The following KCTD19 variants were observed in gnomAD, a reference collection of about 807,000 sequenced individuals.
KCTD19 encodes the protein potassium channel tetramerization domain containing 19, also known as BTB/POZ domain-containing protein KCTD19.
Under a neutral mutation model 103.5 loss-of-function variants are expected in KCTD19, and 67 were observed. That is an observed-to-expected ratio of 0.65 (90% CI 0.53 to 0.79). KCTD19 has a LOEUF of 0.79. Ranked by LOEUF, KCTD19 falls within the 30% of genes least tolerant of loss-of-function variation. KCTD19 has a pLI of 0.00. For missense variants in KCTD19, 980 were observed against 1,136.1 expected, an observed-to-expected ratio of 0.86 and a Z score of 1.98; for synonymous variants, 439 against 452.2, an observed-to-expected ratio of 0.97 and a Z score of 0.37.
chr16:67,324,448 A>T (rs1364286074), intron 1 of KCTD19, among the ~76,000 whole-genome samples: 2 of 152,244 alleles, frequency 1.3e-5, no homozygotes, highest in African/African-American at 2.4e-5. Context: ...AGATGAATTT[A>T]AAAAAGACAG....
In KCTD19 at chr16:67,319,674, G is replaced by C. The variant is rs893506925; in HGVS notation, c.300+915C>G. On this transcript the variant is annotated intron_variant, in intron 2 of 15. Transcript: ENST00000304372. ...GTACTTTAATGGTTTATAAGTAAAG[G>C]TATTTAAAGCTCTTATAATAATAAT... Among the ~76,000 whole-genome samples, 3 of 148,026 alleles carry C rather than the reference G, an allele frequency of 2.0e-5. No homozygotes were observed. In the East Asian group the frequency reaches 5.8e-4, roughly 29 times the overall value.
At position 67,303,441 on chromosome 16, in the gene KCTD19, C is replaced by A; in HGVS notation, c.452-104G>T. On this transcript the variant is annotated intron_variant, in intron 3 of 15. Transcript: ENST00000304372. The surrounding 1 kb of genome is among the most constrained non-coding windows in gnomAD (Gnocchi z 4.3). ...GGGGCCCCAGAGGATGCTAGAGAGA[C>A]CCCCCAGGATATGGTCCTTGCCACT... The A allele has an allele frequency of 2.4e-6, 2 of 819,182 alleles. No homozygotes were observed. Among genetic ancestry groups the A allele is most frequent in the Non-Finnish European group, 1.9e-6 (1 of 528,804 alleles). 50.7% of individuals were successfully genotyped at this position (819,182 alleles called of 1,614,324 possible).
At chr16:67,297,980 C>T (rs532708824) in intron 6 of KCTD19, among the ~76,000 whole-genome samples, 3 of 149,570 alleles carry the variant, frequency 2.0e-5, no homozygotes, top group Admixed American at 6.7e-5. Context: ...TTAGTAGAGA[C>T]GGGGTTTCTT....
intron 2 of KCTD19, among the ~76,000 whole-genome samples, chr16:67,319,321 C>G (rs1054066305): frequency 6.6e-6 from 1 of 152,020 alleles, no homozygotes; most frequent in Non-Finnish European, 1.5e-5. Context: ...TGAAAACATG[C>G]ACTATGAAAT....
intron 2 of KCTD19, among the ~76,000 whole-genome samples, chr16:67,307,513 G>A (rs758493222): frequency 2.0e-5 from 3 of 150,098 alleles, no homozygotes; most frequent in Middle Eastern, 3.2e-3. Flanking sequence ...GTGGGGTTTC[G>A]CCACATTGCC....
intron 2 of KCTD19, among the ~76,000 whole-genome samples, chr16:67,307,653 GGCTTT>G (rs2036908638): frequency 6.6e-6 from 1 of 152,044 alleles, no homozygotes; most frequent in East Asian, 1.9e-4. Flanking sequence ...GTAAAGACAG[GGCTTT>G]GCCATGTTGC....
At position 67,291,782 on chromosome 16, in the gene KCTD19, C is replaced by A. The variant is rs2036699805; in HGVS notation, c.2274G>T (p.Gly758=). The A allele has an allele frequency of 6.2e-7, 1 of 1,613,948 alleles. No homozygotes were observed. The highest frequency in any genetic ancestry group is 8.5e-7 in the Non-Finnish European group (1 of 1,179,990). ...GGGGGTGAGTCACTTTGAGGATAAC[C>A]CCTAGGCTGTCCACCTCACTGGCCT... ...LPEASEVDSL[G]VILKVTHPPV... The change falls in exon 13 of 16, where the codon GGG becomes GGT. Residue 758 remains glycine (G), a synonymous_variant. Transcript: ENST00000304372.
At position 67,295,417 on chromosome 16, in the gene KCTD19, T is replaced by C. The variant is rs551370958; in HGVS notation, c.1249-12A>G. 5 of 1,606,734 alleles carry C rather than the reference T, an allele frequency of 3.1e-6. No individual in the cohort carries two copies. In the East Asian group the frequency reaches 9.0e-5, roughly 29 times the overall value. On this transcript the variant is annotated splice_polypyrimidine_tract_variant and intron_variant, in intron 8 of 15. Coordinates refer to ENST00000304372, the MANE Select transcript of KCTD19 (RefSeq NM_001100915.3). ...AGCAGTTCTGGATACTGGAGGGGGTTGGACACCGGACTCAGTCTCAGAGGC... is the reference window on the plus strand; with the variant it reads ...AGCAGTTCTGGATACTGGAGGGGGTCGGACACCGGACTCAGTCTCAGAGGC...
At position 67,299,368 on chromosome 16, in the gene KCTD19, G is replaced by C. The variant is rs770423573; in HGVS notation, c.981C>G (p.His327Gln). 1.2e-6 allele frequency: 2 copies of C among 1,614,054 alleles called. No individual in the cohort carries two copies. Among genetic ancestry groups the C allele is most frequent in the Non-Finnish European group, 8.5e-7 (1 of 1,179,982 alleles). Reference sequence around the variant, plus strand: ...TGCCCTAAGGAGGACCTCACTTGACGTGCTGAAAGAGGACGCCATTCCCTG... The same window carrying C: ...TGCCCTAAGGAGGACCTCACTTGACCTGCTGAAAGAGGACGCCATTCCCTG... ...YITGNGVLFQ[H>Q]VKNWLGTCRL... Residue 327 changes from histidine to glutamine, a missense_variant, in exon 6 of 16, where the codon CAC becomes CAG. Transcript: ENST00000304372.
intron 15 of KCTD19, 70 bp downstream of exon 15, chr16:67,290,815 A>C (rs1055707622): frequency 1.5e-6 from 2 of 1,378,478 alleles, no homozygotes; most frequent in African/African-American, 2.9e-5. Context: ...GCCCTGGTGC[A>C]GCAAGACACA....
intron 2 of KCTD19, among the ~76,000 whole-genome samples, chr16:67,308,860 C>T (rs180678729): frequency 1.3e-5 from 2 of 152,146 alleles, no homozygotes; most frequent in East Asian, 1.9e-4. Context: ...TAGCCAGGTG[C>T]GGTGGCTCAC....
intron 2 of KCTD19, among the ~76,000 whole-genome samples, chr16:67,318,193 C>T (rs2037032658): frequency 6.6e-6 from 1 of 152,200 alleles, no homozygotes; most frequent in African/African-American, 2.4e-5. Flanking sequence ...TCTTCAAATA[C>T]TTCTACTCCT....
chr16:67,296,265 G>C lies in KCTD19; in HGVS notation c.1148-6C>G, dbSNP rs2036763692. On this transcript the variant is annotated splice_polypyrimidine_tract_variant and splice_region_variant and intron_variant, in intron 7 of 15. Coordinates refer to ENST00000304372, the MANE Select transcript of KCTD19 (RefSeq NM_001100915.3). ...GATCTCTGCCGTCCACTCATCTATG[G>C]GAATCCAGGAGATAGAACACATCAT... 1 of 1,577,444 alleles carries C rather than the reference G, an allele frequency of 6.3e-7. No homozygotes were observed.
chr16:67,310,742 G>A (rs2036940771), intron 2 of KCTD19, among the ~76,000 whole-genome samples: 4 of 152,196 alleles, frequency 2.6e-5, no homozygotes. Flanking sequence ...ACTTAACGGA[G>A]GTTTTCCAAA....
rs373181232 is a variant in KCTD19, at chr16:67,320,847, C to T, written c.42G>A (p.Leu14=). The change falls in exon 2 of 16, where the codon TTG becomes TTA. Residue 14 remains leucine, a synonymous_variant. Coordinates refer to ENST00000304372, the MANE Select transcript of KCTD19 (RefSeq NM_001100915.3). The surrounding 1 kb of genome is among the most constrained non-coding windows in gnomAD (Gnocchi z 4.0). The part of the protein sequence containing the change: ...SGMAHESAED[L]FHFNVGGWHF... The stretch of plus-strand genomic sequence containing the variant: ...GCCAGCCCCCTACGTTGAAATGAAA[C>T]AAGTCCTCTGCTGATTCATGAGCCA... 14 of 1,614,094 alleles carry T rather than the reference C, an allele frequency of 8.7e-6. No individual in the cohort carries two copies. Among genetic ancestry groups the T allele is most frequent in the Non-Finnish European group, 1.2e-5 (14 of 1,179,994 alleles).
intron 6 of KCTD19, among the ~76,000 whole-genome samples, chr16:67,297,876 T>C (rs898072933): frequency 1.3e-5 from 2 of 152,044 alleles, no homozygotes; most frequent in African/African-American, 2.4e-5. Flanking sequence ...CTGCAACCTT[T>C]GCCTCCCAGG....
intron 2 of KCTD19, among the ~76,000 whole-genome samples, chr16:67,319,930 T>TTA (rs2037053910): frequency 6.6e-6 from 1 of 152,156 alleles, no homozygotes; most frequent in South Asian, 2.1e-4. Context: ...AATCCTAAAA[T>TTA]ATCTAAAGTG....
intron 10 of KCTD19, 131 bp downstream of exon 10, chr16:67,294,842 A>G (rs1055808218): frequency 8.4e-6 from 8 of 950,140 alleles, no homozygotes; most frequent in African/African-American, 8.1e-5. Context: ...TCACTGGCCA[A>G]TCCTGGGCCT....
Position 67,300,430 on chromosome 16 carries a change from G to A in KCTD19, c.776-857C>T, listed in dbSNP as rs2142507675. ...TAAAGCCACCCTTTGTGTTTGAGGA[G>A]TGCTGCCAGCTCCCAGAGCCTGGCT... On this transcript the variant is annotated intron_variant, in intron 5 of 15. Coordinates refer to ENST00000304372, the MANE Select transcript of KCTD19 (RefSeq NM_001100915.3). The surrounding 1 kb of genome is among the most constrained non-coding windows in gnomAD (Gnocchi z 4.5). 6.6e-6 allele frequency: 1 copy of A among 152,378 alleles called. No homozygotes were observed. Among genetic ancestry groups the A allele is most frequent in the East Asian group, 1.9e-4 (1 of 5,188 alleles). The allele number at this position is 152,378 out of a possible 1,614,324, so 9.4% of individuals were successfully genotyped here. A position where few individuals can be genotyped will look rare whatever the true frequency, so the allele number is the denominator to read the frequency against.
Sources: gnomAD v4.1 joint callset for allele counts (sites outside exome capture counted in the v4.1 genomes callset) on GRCh38, gnomAD v4.1.1 for gene constraint, Gnocchi (gnomAD v3.1) non-coding constraint, MANE v1.5 for transcripts, NCBI Gene and HGNC (gene_info 2026-07-23, HGNC 2026-07-21) for gene names.